ABCC4: variants seen among roughly 807,000 people sequenced by gnomAD.
ABCC4 encodes the protein ATP binding cassette subfamily C member 4 (PEL blood group), also known as ATP-binding cassette sub-family C member 4.
In ABCC4, 102 loss-of-function variants were observed where a neutral mutation model predicts 168.5. The ratio of observed to expected loss-of-function variants is 0.61; its 90% CI spans 0.52 to 0.71. The LOEUF (loss-of-function observed/expected upper bound fraction) is 0.71, where lower values mean the gene tolerates loss of function less well. Among genes scored for constraint, ABCC4 ranks in the 30% least tolerant of loss-of-function variants. The pLI is 0.00. For synonymous variants in ABCC4, 617 were observed against 590.7 expected, an observed-to-expected ratio of 1.04 and a Z score of -0.65; for missense variants, 1,402 against 1,605.8, an observed-to-expected ratio of 0.87 and a Z score of 2.17.
At position 95,269,871 on chromosome 13, in the gene ABCC4, G is replaced by A. The variant is rs916542937; in HGVS notation, c.75-22118C>T. Among the ~76,000 whole-genome samples the A allele has an allele frequency of 3.3e-5, 5 of 152,246 alleles. No individual in the cohort carries two copies. In the South Asian group the frequency reaches 6.2e-4, roughly 19 times the overall value. On this transcript the variant is annotated intron_variant, in intron 1 of 30. Coordinates refer to ENST00000645237, the MANE Select transcript of ABCC4 (RefSeq NM_005845.5). ...AAAGAATAGAGAAAAGAAAAACAGA[G>A]CAATGAAATACCATTCTTCACTTCA...
intron 19 of ABCC4, among the ~76,000 whole-genome samples, chr13:95,124,132 T>C (rs73559640): frequency 0.13 from 20,289 of 152,118 alleles, 1,932 homozygotes; most frequent in African/African-American, 0.28. Context: ...CTTGTACTTA[T>C]GGCTCTTCAA....
At position 95,043,800 on chromosome 13, in the gene ABCC4, A is replaced by T. The variant is rs568204775; in HGVS notation, c.3630-13T>A. ...TAACTCATCAGTTCTGCAATCAAAGAAGTTAAGTTTAATTTCGTAAAGATG... is the reference window on the plus strand; with the variant it reads ...TAACTCATCAGTTCTGCAATCAAAGTAGTTAAGTTTAATTTCGTAAAGATG... On this transcript the variant is annotated splice_polypyrimidine_tract_variant and intron_variant, in intron 28 of 30. Transcript: ENST00000645237. The T allele has an allele frequency of 6.3e-7, 1 of 1,596,006 alleles. No individual in the cohort carries two copies. The highest frequency in any genetic ancestry group is 2.2e-5 in the East Asian group (1 of 44,768).
intron 20 of ABCC4, among the ~76,000 whole-genome samples, chr13:95,109,330 G>A (rs768031286): frequency 6.6e-6 from 1 of 152,108 alleles, no homozygotes; most frequent in African/African-American, 2.4e-5. Flanking sequence ...AGAGACTTTC[G>A]CTGGTCCTTA....
chr13:95,115,853 T>G, intron 20 of ABCC4, 69 bp downstream of exon 20: 2 of 1,362,132 alleles, frequency 1.5e-6, no homozygotes, highest in Non-Finnish European at 2.1e-6. Flanking sequence ...CCAGACCCCA[T>G]GAAAAGGGCT....
At chr13:95,235,641 T>C (rs570402344) in intron 3 of ABCC4, among the ~76,000 whole-genome samples, 38 of 152,210 alleles carry the variant, frequency 2.5e-4, no homozygotes, top group Admixed American at 1.3e-3. Flanking sequence ...AATCAAACTC[T>C]CCAATTTTTC....
At position 95,208,500 on chromosome 13, in the gene ABCC4, C is replaced by T. The variant is rs902368719; in HGVS notation, c.786-575G>A. 2.6e-5 allele frequency among the ~76,000 whole-genome samples: 4 copies of T among 151,948 alleles called. No individual in the cohort carries two copies. In the South Asian group the frequency reaches 6.2e-4, roughly 24 times the overall value. ...CAATGCACTTCCAACAGTGGCTCAT[C>T]TCGATCCAGCTGACAACCTTGACAA... On this transcript the variant is annotated intron_variant, in intron 6 of 30. Coordinates refer to ENST00000645237, the MANE Select transcript of ABCC4 (RefSeq NM_005845.5).
chr13:95,270,053 T>C (rs921887906), intron 1 of ABCC4, among the ~76,000 whole-genome samples: 4 of 151,980 alleles, frequency 2.6e-5, no homozygotes, highest in Non-Finnish European at 5.9e-5. Flanking sequence ...TTTTCTGTCA[T>C]AAGAGAGGAT....
At chr13:95,024,087 G>A (rs531737019) in intron 30 of ABCC4, among the ~76,000 whole-genome samples, 1 of 151,858 alleles carries the variant, frequency 6.6e-6, no homozygotes, top group East Asian at 1.9e-4. Flanking sequence ...CACGCTTGTA[G>A]TCCCAGCTAC....
chr13:95,136,146 GA>G (rs537060937), intron 19 of ABCC4, among the ~76,000 whole-genome samples: 58 of 152,034 alleles, frequency 3.8e-4, no homozygotes, highest in Non-Finnish European at 7.5e-4. Context: ...TCATTGTGGG[GA>G]AAGATCTCAA....
At chr13:95,047,476 C>T (rs369139326) in intron 27 of ABCC4, among the ~76,000 whole-genome samples, 104 of 83,328 alleles carry the variant, frequency 1.2e-3, no homozygotes, top group African/African-American at 1.7e-3. Context: ...ACTGCCTATT[C>T]TTTTTTTTTT....
intron 20 of ABCC4, among the ~76,000 whole-genome samples, chr13:95,104,410 G>T (rs535776274): frequency 6.6e-6 from 1 of 152,106 alleles, no homozygotes; most frequent in African/African-American, 2.4e-5. Flanking sequence ...AAACATGTCC[G>T]GGTCTGATGT....
At chr13:95,213,463 A>T (rs1434573012) in intron 4 of ABCC4, among the ~76,000 whole-genome samples, 1 of 152,186 alleles carries the variant, frequency 6.6e-6, no homozygotes, top group Non-Finnish European at 1.5e-5. Flanking sequence ...TTGCCCCAGA[A>T]GTTTCAGTAG....
At chr13:95,051,116 C>T (rs1218008732) in intron 27 of ABCC4, among the ~76,000 whole-genome samples, 1 of 152,158 alleles carries the variant, frequency 6.6e-6, no homozygotes, top group Admixed American at 6.5e-5. Context: ...TAAATGAAAT[C>T]AGAGGTCAAT....
At position 95,075,576 on chromosome 13, in the gene ABCC4, G is replaced by A. The variant is rs181093650; in HGVS notation, c.2687-25C>T. On this transcript the variant is annotated intron_variant, in intron 21 of 30. Coordinates refer to ENST00000645237, the MANE Select transcript of ABCC4 (RefSeq NM_005845.5). ...GCTGGGGAAACAGACAGAGAAAACA[G>A]CTCAGTGAGGCTGGGTGCAGAAAAA... is the stretch of plus-strand genomic sequence containing the variant. 9.5e-4 allele frequency: 1,539 copies of A among 1,613,362 alleles called. 3 individuals are homozygous for A. Among genetic ancestry groups the A allele is most frequent in the Non-Finnish European group, 1.1e-3 (1,260 of 1,179,670 alleles).
chr13:95,159,099 A>G (rs1414594162), intron 19 of ABCC4, among the ~76,000 whole-genome samples: 3 of 64,022 alleles, frequency 4.7e-5, no homozygotes, highest in African/African-American at 2.6e-4. Flanking sequence ...AATTTTATAT[A>G]TATATATATA....
At chr13:95,210,974 A>C (rs1173327235) in intron 4 of ABCC4, among the ~76,000 whole-genome samples, 193 bp from the exon 5 acceptor site, 1 of 151,852 alleles carries the variant, frequency 6.6e-6, no homozygotes, top group African/African-American at 2.4e-5. Flanking sequence ...AGGACAGCAA[A>C]GCGAGAGGTA....
At chr13:95,259,179 G>A (rs886777130) in intron 1 of ABCC4, among the ~76,000 whole-genome samples, 6 of 152,186 alleles carry the variant, frequency 3.9e-5, no homozygotes, top group African/African-American at 1.4e-4. Flanking sequence ...CTGAGGTCAG[G>A]AGTTTGAGAC....
chr13:95,060,316 G>A (rs1368846486), intron 26 of ABCC4, among the ~76,000 whole-genome samples: 2 of 152,206 alleles, frequency 1.3e-5, no homozygotes, highest in African/African-American at 4.8e-5. Flanking sequence ...AAAACCTGGT[G>A]ATGTCAAGGT....
At chr13:95,259,652 T>C (rs1216146296) in intron 1 of ABCC4, among the ~76,000 whole-genome samples, 1 of 152,206 alleles carries the variant, frequency 6.6e-6, no homozygotes, top group African/African-American at 2.4e-5. Flanking sequence ...TTACAGCCTT[T>C]CTGGACAGGC....
Sources: gnomAD v4.1 joint callset for allele counts (sites outside exome capture counted in the v4.1 genomes callset) on GRCh38, gnomAD v4.1.1 for gene constraint, MANE v1.5 for transcripts, NCBI Gene and HGNC (gene_info 2026-07-23, HGNC 2026-07-21) for gene names.